Variants in LRRC72 observed in about 807,000 individuals in gnomAD.
The protein encoded by LRRC72 is leucine-rich repeat-containing protein 72.
In LRRC72, 41 loss-of-function variants were observed where a neutral mutation model predicts 35.8. That is an observed-to-expected ratio of 1.15 (90% CI 0.89 to 1.49). LRRC72 has a LOEUF of 1.49. Among genes scored for constraint, LRRC72 ranks in the 40% most tolerant of loss-of-function variants. The probability of loss-of-function intolerance (pLI) is 0.00; values close to 1 mark genes in which losing one functional copy is unlikely to be tolerated. For synonymous variants in LRRC72, 118 were observed against 119.2 expected, an observed-to-expected ratio of 0.99 and a Z score of 0.07; for missense variants, 389 against 330.7, an observed-to-expected ratio of 1.18 and a Z score of -1.37.
intron 3 of LRRC72, 80 bp from the exon 4 acceptor site, chr7:16,557,280 A>C (rs994823015): frequency 5.8e-6 from 2 of 347,092 alleles, no homozygotes; most frequent in African/African-American, 4.3e-5. Context: ...TATATTATTT[A>C]TGTATATCAG....
intron 7 of LRRC72, among the ~76,000 whole-genome samples, chr7:16,571,521 C>A (rs1342732335): frequency 6.6e-6 from 1 of 152,198 alleles, no homozygotes; most frequent in African/African-American, 2.4e-5. Flanking sequence ...ATGGGTTAGA[C>A]AATGGGTGCA....
intron 7 of LRRC72, among the ~76,000 whole-genome samples, chr7:16,576,776 G>C (rs1049980688): frequency 6.6e-6 from 1 of 152,224 alleles, no homozygotes. Context: ...GAAGCTGCCA[G>C]ATTTCCACCA....
chr7:16,562,701 A>T (rs1004824340), intron 5 of LRRC72, among the ~76,000 whole-genome samples: 10 of 152,178 alleles, frequency 6.6e-5, no homozygotes, highest in Non-Finnish European at 2.9e-5. Flanking sequence ...GGATACGGGG[A>T]GGGACTAGGA....
At chr7:16,567,798 G>A (rs948408539) in intron 7 of LRRC72, among the ~76,000 whole-genome samples, 2 of 152,026 alleles carry the variant, frequency 1.3e-5, no homozygotes, top group Admixed American at 1.3e-4. Context: ...ATACATTGAA[G>A]CCTCTATCCC....
intron 3 of LRRC72, among the ~76,000 whole-genome samples, chr7:16,543,960 A>T (rs1782402216): frequency 6.6e-6 from 1 of 152,248 alleles, no homozygotes; most frequent in South Asian, 2.1e-4. Context: ...AGTTGGGCTT[A>T]AAAGTTACTT....
intron 7 of LRRC72, among the ~76,000 whole-genome samples, chr7:16,573,153 A>G (rs1344302055): frequency 6.6e-6 from 1 of 152,134 alleles, no homozygotes; most frequent in Non-Finnish European, 1.5e-5. Flanking sequence ...AAATAAGAGA[A>G]GACACAAACA....
chr7:16,566,331 T>C lies in LRRC72; in HGVS notation c.446T>C (p.Leu149Ser), dbSNP rs1464785083. The C allele has an allele frequency of 1.9e-6, 3 of 1,539,620 alleles. No homozygotes were observed. Among genetic ancestry groups the C allele is most frequent in the Non-Finnish European group, 2.6e-6 (3 of 1,143,264 alleles). ...LKILSLYQNPLCQYNLYRLYI... is the reference protein window; with the variant it reads ...LKILSLYQNPSCQYNLYRLYI... ...TTTGCAGGTCTATACCAAAATCCTT[T>C]GTGCCAATATAACCTGTATCGTTTA... Residue 149 changes from leucine to serine, a missense_variant, in exon 6 of 9, where the codon TTG (leucine) becomes TCG (serine). Coordinates refer to ENST00000401542, the MANE Select transcript of LRRC72 (RefSeq NM_001195280.2).
At chr7:16,543,807 C>A (rs1782399877) in intron 3 of LRRC72, among the ~76,000 whole-genome samples, 2 of 152,214 alleles carry the variant, frequency 1.3e-5, no homozygotes. Flanking sequence ...CAGGAACTAA[C>A]TATCCTATGA....
chr7:16,535,897 A>G (rs2128334797), intron 2 of LRRC72, among the ~76,000 whole-genome samples: 1 of 152,184 alleles, frequency 6.6e-6, no homozygotes, highest in African/African-American at 2.4e-5. Context: ...TTTGAGATGG[A>G]GTTTTGCTCT....
chr7:16,528,019 C>T (rs1038722324), intron 1 of LRRC72, among the ~76,000 whole-genome samples: 5 of 152,058 alleles, frequency 3.3e-5, no homozygotes, highest in African/African-American at 9.7e-5. Flanking sequence ...TTAGGTTAAC[C>T]AACTAATTTA....
At chr7:16,538,402 C>T (rs1423646155) in intron 3 of LRRC72, among the ~76,000 whole-genome samples, 2 of 152,184 alleles carry the variant, frequency 1.3e-5, no homozygotes, top group Non-Finnish European at 2.9e-5. Flanking sequence ...CTCTGCTAGG[C>T]CTCTCCAACA....
intron 5 of LRRC72, among the ~76,000 whole-genome samples, chr7:16,564,707 G>A (rs964059256): frequency 1.3e-5 from 2 of 151,950 alleles, no homozygotes; most frequent in African/African-American, 4.8e-5. Flanking sequence ...TTTTCCACAG[G>A]GAATAGCTAT....
At chr7:16,538,490 C>G (rs1782302265) in intron 3 of LRRC72, among the ~76,000 whole-genome samples, 1 of 152,170 alleles carries the variant, frequency 6.6e-6, no homozygotes, top group Non-Finnish European at 1.5e-5. Context: ...GTCTTTTGGC[C>G]TTGGCAAATC....
At chr7:16,559,086 G>A (rs1192133262) in intron 5 of LRRC72, 87 bp downstream of exon 5, 2 of 764,000 alleles carry the variant, frequency 2.6e-6, no homozygotes, top group East Asian at 3.1e-5. Flanking sequence ...AAATTAGAGA[G>A]GCAATGTTTA....
intron 3 of LRRC72, among the ~76,000 whole-genome samples, chr7:16,554,162 T>C (rs1274304462): frequency 6.6e-6 from 1 of 151,988 alleles, no homozygotes; most frequent in East Asian, 1.9e-4. Context: ...AACCCCCATC[T>C]CTACTAAAAA....
chr7:16,540,345 C>T (rs1056119473), intron 3 of LRRC72, among the ~76,000 whole-genome samples: 1 of 152,176 alleles, frequency 6.6e-6, no homozygotes, highest in Non-Finnish European at 1.5e-5. Context: ...AGAACATTTA[C>T]CCAATGCCTG....
chr7:16,570,118 T>C (rs1289439036), intron 7 of LRRC72, among the ~76,000 whole-genome samples: 3 of 152,160 alleles, frequency 2.0e-5, no homozygotes, highest in African/African-American at 7.2e-5. Context: ...TACGAGTTCA[T>C]TGGTGGAGAT....
intron 3 of LRRC72, among the ~76,000 whole-genome samples, chr7:16,553,669 T>A (rs1782594894): frequency 6.6e-6 from 1 of 152,178 alleles, no homozygotes; most frequent in South Asian, 2.1e-4. Flanking sequence ...AAGCCAAGGA[T>A]GCTAATGTAC....
At chr7:16,532,866 T>G (rs866112687) in intron 2 of LRRC72, 25 of 413,582 alleles carry the variant, frequency 6.0e-5, no homozygotes, top group African/African-American at 5.1e-4. Context: ...ATTTAACAAA[T>G]AAGTATATAG....
Sources: gnomAD v4.1 joint callset for allele counts (sites outside exome capture counted in the v4.1 genomes callset) on GRCh38, gnomAD v4.1.1 for gene constraint, MANE v1.5 for transcripts, NCBI Gene and HGNC (gene_info 2026-07-23, HGNC 2026-07-21) for gene names.